OCA2: variants seen among roughly 807,000 people sequenced by gnomAD.
OCA2 encodes the protein OCA2 melanosomal transmembrane protein.
A neutral mutation model predicts 100.2 loss-of-function variants in OCA2; 77 were observed. The ratio of observed to expected loss-of-function variants is 0.77; its 90% CI spans 0.64 to 0.93. OCA2 has a LOEUF of 0.93. Ranked by LOEUF, OCA2 falls within the 40% of genes least tolerant of loss-of-function variation. The pLI is 0.00. For missense variants in OCA2, 1,062 were observed against 1,089.1 expected (o/e 0.98, Z 0.35); for synonymous variants, 432 against 439.2 (o/e 0.98, Z 0.21).
chr15:27,747,337 C>G, the OCA2 span, among the ~76,000 whole-genome samples: 4 of 152,178 alleles, frequency 2.6e-5, no homozygotes, highest in Non-Finnish European at 5.9e-5. Flanking sequence ...AGTAAGTGTT[C>G]GATCGGTCTT....
intron 19 of OCA2, among the ~76,000 whole-genome samples, chr15:27,919,192 T>C (rs1362299125): frequency 2.0e-5 from 3 of 152,144 alleles, no homozygotes; most frequent in African/African-American, 7.2e-5. Context: ...CATAAGCTCC[T>C]GGAATATATG....
At chr15:27,805,768 C>T (rs1189241889) in intron 23 of OCA2, among the ~76,000 whole-genome samples, 4 of 151,984 alleles carry the variant, frequency 2.6e-5, no homozygotes, top group Non-Finnish European at 4.4e-5. Context: ...ACCCTCCGCG[C>T]CCCCCACATC....
In OCA2 at chr15:28,018,506, G is replaced by A. The variant is rs757957606; in HGVS notation, c.698C>T (p.Ala233Val). Residue 233 changes from alanine (A) to valine (V), a missense_variant, in exon 7 of 24, where the codon GCA becomes GTA. Ala to Val is a moderately conservative substitution (Grantham distance 64). Coordinates refer to ENST00000354638, the MANE Select transcript of OCA2 (RefSeq NM_000275.3). ...VDSTLLQVDL[A>V]GALVASGPSR... is the part of the protein sequence containing the mutation. ...CGGCCCACTGGCCACTAGGGCCCCT[G>A]CCAGGTCCACCTGCAGCAGCGTGGA... 5 of 1,613,660 alleles carry A rather than the reference G, an allele frequency of 3.1e-6. No individual in the cohort carries two copies. Among genetic ancestry groups the A allele is most frequent in the Non-Finnish European group, 2.5e-6 (3 of 1,179,910 alleles).
chr15:27,922,106 G>C, intron 19 of OCA2, among the ~76,000 whole-genome samples: 2 of 152,328 alleles, frequency 1.3e-5, no homozygotes, highest in Middle Eastern at 6.8e-3. Context: ...TGAATCATCT[G>C]TCAGAAATAG....
chr15:27,983,418 A>G lies in OCA2; in HGVS notation c.1430T>C (p.Ile477Thr), dbSNP rs148413474. Residue 477 changes from isoleucine to threonine, a missense_variant, in exon 14 of 24, where the codon ATT becomes ACT. Physicochemically the swap from Ile to Thr is moderately conservative, Grantham distance 89. Transcript: ENST00000354638. ...CCCGATGGCAGTGGCAGCTCCTCCA[A>G]TGTTTGTGAAGATCACTTCTGCAAT... is the stretch of plus-strand genomic sequence containing the variant. ...VLIAEVIFTN[I>T]GGAATAIGDP... 7.4e-6 allele frequency: 12 copies of G among 1,614,084 alleles called. No homozygotes were observed. The African/African-American group carries it at 1.2e-4, about 16-fold the overall frequency.
intron 19 of OCA2, among the ~76,000 whole-genome samples, chr15:27,904,902 G>A (rs2038111022): frequency 6.6e-6 from 1 of 152,200 alleles, no homozygotes; most frequent in South Asian, 2.1e-4. Flanking sequence ...GGTGGTTCAT[G>A]CCTGTAATCC....
At chr15:27,913,900 C>A (rs185013310) in intron 19 of OCA2, among the ~76,000 whole-genome samples, 10,465 of 36,410 alleles carry the variant, frequency 0.29, 1,581 homozygotes, top group East Asian at 0.44. Context: ...AGAAAGCAAG[C>A]AAGCAAGCAA....
chr15:27,818,137 C>T (rs1373168637), intron 23 of OCA2, among the ~76,000 whole-genome samples: 2 of 152,164 alleles, frequency 1.3e-5, no homozygotes, highest in East Asian at 3.9e-4. Flanking sequence ...CACCTGTAAT[C>T]CCAGCACTCT....
chr15:27,722,218 T>C, the OCA2 span, among the ~76,000 whole-genome samples: 3 of 152,232 alleles, frequency 2.0e-5, no homozygotes, highest in Admixed American at 2.0e-4. Flanking sequence ...CCGGGTCGTG[T>C]ATTCTATTTT....
chr15:28,022,547 T>A lies in OCA2; in HGVS notation c.600A>T (p.Gln200His), dbSNP rs139562520. 2.2e-4 allele frequency: 352 copies of A among 1,613,948 alleles called. No homozygotes were observed. Among genetic ancestry groups the A allele is most frequent in the Non-Finnish European group, 2.7e-4 (323 of 1,179,902 alleles). The stretch of plus-strand genomic sequence containing the variant: ...AGGCCAACAGCTGCCAGAGCTTTCC[T>A]TGATCCGGATATAGGCTGAACAAAA... Reference protein sequence around the residue: ...CSILFSLYPDQGKLWQLLALS... With the variant: ...CSILFSLYPDHGKLWQLLALS... The change falls in exon 6 of 24, where the codon CAA becomes CAT. Residue 200 changes from glutamine (Q) to histidine (H), a missense_variant. Coordinates refer to ENST00000354638, the MANE Select transcript of OCA2 (RefSeq NM_000275.3).
chr15:27,769,184 TC>T (rs1465623504), intron 23 of OCA2, among the ~76,000 whole-genome samples: 1 of 152,168 alleles, frequency 6.6e-6, no homozygotes, highest in East Asian at 1.9e-4. Flanking sequence ...TTCATCTCCC[TC>T]CGGGGTGATT....
intron 23 of OCA2, among the ~76,000 whole-genome samples, chr15:27,765,541 T>C (rs1047216600): frequency 6.6e-6 from 1 of 152,226 alleles, no homozygotes; most frequent in African/African-American, 2.4e-5. Flanking sequence ...CAAGTCTTAG[T>C]TATGGATTAG....
chr15:27,771,626 G>A (rs571286621), intron 23 of OCA2, among the ~76,000 whole-genome samples: 2 of 152,218 alleles, frequency 1.3e-5, no homozygotes, highest in Admixed American at 1.3e-4. Flanking sequence ...GTATCCATTG[G>A]TTCCACTAGT....
chr15:27,937,358 A>G (rs1238717108), intron 18 of OCA2, among the ~76,000 whole-genome samples: 2 of 152,208 alleles, frequency 1.3e-5, no homozygotes, highest in Admixed American at 6.5e-5. Flanking sequence ...ATAGGCTGCT[A>G]TGAGCATTTT....
intron 23 of OCA2, among the ~76,000 whole-genome samples, chr15:27,771,188 C>G (rs1252713173): frequency 6.6e-6 from 1 of 151,474 alleles, no homozygotes; most frequent in Non-Finnish European, 1.5e-5. Context: ...TAGAACGCCT[C>G]CATCAGGTCC....
Position 28,081,635 on chromosome 15 carries a change from A to G in OCA2, c.227+13T>C, listed in dbSNP as rs774364477. 1.2e-5 allele frequency: 19 copies of G among 1,611,070 alleles called. No individual in the cohort carries two copies. In the East Asian group the frequency reaches 4.2e-4, roughly 36 times the overall value. On this transcript the variant is annotated intron_variant, in intron 2 of 23. Transcript: ENST00000354638. ...AAGTCCACATTTACAAGATGGCACT[A>G]TTTTAAACTCACCTCCCTTTTGTGA...
intron 2 of OCA2, among the ~76,000 whole-genome samples, chr15:28,044,488 G>C (rs924428471): frequency 6.6e-6 from 1 of 152,176 alleles, no homozygotes; most frequent in African/African-American, 2.4e-5. Context: ...ACGGCCTGGA[G>C]ACTCGTCACA....
Position 27,844,781 on chromosome 15 carries a change from G to A in OCA2, c.2432+178C>T, listed in dbSNP as rs113937352. Among the ~76,000 whole-genome samples the A allele has an allele frequency of 0.015, 2,211 of 152,172 alleles. 48 individuals are homozygous for A. Among genetic ancestry groups the A allele is most frequent in the African/African-American group, 0.049 (2,014 of 41,496 alleles). On this transcript the variant is annotated intron_variant, in intron 23 of 23. Coordinates refer to ENST00000354638, the MANE Select transcript of OCA2 (RefSeq NM_000275.3). ...CTCCCAAAGTGCTAGGATTACAGGCGTGAGCCACCAGCAATAAATTTTTAA... is the reference window on the plus strand; with the variant it reads ...CTCCCAAAGTGCTAGGATTACAGGCATGAGCCACCAGCAATAAATTTTTAA...
At chr15:27,752,422 G>T (rs1007694511), downstream of OCA2, among the ~76,000 whole-genome samples, 3 of 152,242 alleles carry the variant, frequency 2.0e-5, no homozygotes, top group Admixed American at 2.0e-4. Context: ...TCAGGAGGGA[G>T]TGTGGGCAAG....
Sources: gnomAD v4.1 joint callset for allele counts (sites outside exome capture counted in the v4.1 genomes callset) on GRCh38, gnomAD v4.1.1 for gene constraint, MANE v1.5 for transcripts, NCBI Gene and HGNC (gene_info 2026-07-23, HGNC 2026-07-21) for gene names.